The following DDIAS variants were observed in gnomAD, a reference collection of about 807,000 sequenced individuals.
The protein encoded by DDIAS is DNA damage-induced apoptosis suppressor protein.
In DDIAS, 14 loss-of-function variants were observed where a neutral mutation model predicts 15.7. The observed-to-expected ratio is 0.89, with a 90% CI of 0.59 to 1.39. The LOEUF (loss-of-function observed/expected upper bound fraction) is 1.39. DDIAS is among the 40% of genes most tolerant of loss of function. The pLI is 0.00. For missense variants in DDIAS, 1,035 were observed against 1,130.9 expected (o/e 0.92, Z 1.22); for synonymous variants, 355 against 395.9 (o/e 0.90, Z 1.23).
intron 1 of DDIAS, among the ~76,000 whole-genome samples, chr11:82,904,354 G>A (rs1860384485): frequency 6.6e-6 from 1 of 152,118 alleles, no homozygotes; most frequent in South Asian, 2.1e-4. Context: ...AAGATGTGTT[G>A]GTATGTGCAT....
rs1490638900 is a variant in DDIAS at position 82,933,267 on chromosome 11, T to G, written c.1929T>G (p.Asn643Lys). The change falls in exon 6 of 6, where the codon AAT (asparagine) becomes AAG (lysine). Residue 643 changes from asparagine to lysine, a missense_variant. Asn to Lys is a moderately conservative substitution (Grantham distance 94). Coordinates refer to ENST00000533655, the MANE Select transcript of DDIAS (RefSeq NM_145018.4). The part of the protein sequence containing the change: ...YPLETLCNSP[N>K]RSTNTLKEMP... Reference sequence around the variant, plus strand: ...TAGAAACTCTTTGCAATAGTCCAAATAGAAGTACAAATACATTGAAAGAAA... The same window carrying G: ...TAGAAACTCTTTGCAATAGTCCAAAGAGAAGTACAAATACATTGAAAGAAA... The G allele has an allele frequency of 2.5e-6, 4 of 1,612,990 alleles. No individual in the cohort carries two copies. The highest frequency in any genetic ancestry group is 3.4e-6 in the Non-Finnish European group (4 of 1,179,702).
At chr11:82,914,905 T>C in intron 3 of DDIAS, 54 bp downstream of exon 3, 2 of 1,221,674 alleles carry the variant, frequency 1.6e-6, no homozygotes, top group Non-Finnish European at 2.3e-6. Context: ...ACACTGTAGA[T>C]TTCCTATGGC....
At position 82,932,315 on chromosome 11, in the gene DDIAS, A is replaced by C. The variant is rs1330831124; in HGVS notation, c.977A>C (p.His326Pro). Residue 326 changes from histidine to proline, a missense_variant, in exon 6 of 6, where the codon CAC becomes CCC. Physicochemically the swap from His to Pro is moderately conservative, Grantham distance 77. Coordinates refer to ENST00000533655, the MANE Select transcript of DDIAS (RefSeq NM_145018.4). ...CAAGCTAAGGAGCTGAGTGCAGTTC[A>C]CAGCAGTCATCATGAAATTGGAGTT... ...GLQAKELSAV[H>P]SSHHEIGVND... The C allele has an allele frequency of 1.9e-6, 3 of 1,613,988 alleles. No individual in the cohort carries two copies. The highest frequency in any genetic ancestry group is 2.5e-6 in the Non-Finnish European group (3 of 1,179,964).
At position 82,928,897 on chromosome 11, in the gene DDIAS, C is replaced by G; in HGVS notation, c.234C>G (p.Cys78Trp). 1 of 1,612,154 alleles carries G rather than the reference C, an allele frequency of 6.2e-7. No homozygotes were observed. The highest frequency in any genetic ancestry group is 1.1e-5 in the South Asian group (1 of 90,498). The part of the protein sequence containing the change: ...KLFVITVFGS[C>W]LDTFFGLTAT... Reference sequence around the variant, plus strand: ...TTGTTATTACTGTATTTGGAAGTTGCTTAGATACATTTTTTGGTCTTACTG... The same window carrying G: ...TTGTTATTACTGTATTTGGAAGTTGGTTAGATACATTTTTTGGTCTTACTG... The change falls in exon 4 of 6, where the codon TGC (cysteine) becomes TGG (tryptophan). Residue 78 changes from cysteine (C) to tryptophan (W), a missense_variant. Cys to Trp is a radical substitution (Grantham distance 215). Coordinates refer to ENST00000533655, the MANE Select transcript of DDIAS (RefSeq NM_145018.4).
At chr11:82,904,945 A>G (rs947463013) in intron 1 of DDIAS, among the ~76,000 whole-genome samples, 2 of 152,230 alleles carry the variant, frequency 1.3e-5, no homozygotes, top group Admixed American at 6.5e-5. Flanking sequence ...CAAATATACA[A>G]ATATGGGCTT....
At chr11:82,902,466 C>T (rs1860340579) in intron 1 of DDIAS, among the ~76,000 whole-genome samples, 1 of 151,476 alleles carries the variant, frequency 6.6e-6, no homozygotes, top group Non-Finnish European at 1.5e-5. Context: ...CATTGCTGGG[C>T]TGATAAAGTT....
chr11:82,914,756 AT>A lies in DDIAS; in HGVS notation c.21del (p.Leu8PhefsTer2). 6.2e-7 allele frequency: 1 copy of A among 1,606,256 alleles called. No homozygotes were observed. Among genetic ancestry groups the A allele is most frequent in the Non-Finnish European group, 8.5e-7 (1 of 1,173,326 alleles). On this transcript the variant is annotated frameshift_variant, in exon 3 of 6. Coordinates refer to ENST00000533655, the MANE Select transcript of DDIAS (RefSeq NM_145018.4). LOFTEE classifies it high-confidence loss of function. The part of the protein sequence containing the change: MNRRRK[F>X]LLASVLALQN... Reference sequence around the variant, plus strand: ...GTGAACACATGAACAGAAGACGAAAATTTCTTCTAGCCTCAGTACTTGCTCT... The same window carrying A: ...GTGAACACATGAACAGAAGACGAAAATTCTTCTAGCCTCAGTACTTGCTCT...
At chr11:82,910,009 A>G (rs1042370287) in intron 1 of DDIAS, among the ~76,000 whole-genome samples, 1 of 152,042 alleles carries the variant, frequency 6.6e-6, no homozygotes, top group Non-Finnish European at 1.5e-5. Flanking sequence ...CCACATTTCT[A>G]TGTTTGTCAT....
Position 82,933,198 on chromosome 11 carries a change from C to T in DDIAS, c.1860C>T (p.Asn620=). ...AACAATATTGTAGGTGGTCCAAGAA[C>T]CAAGATGACAGTTTTACAATTTGCA... The part of the protein sequence containing the change: ...ENKQYCRWSK[N]QDDSFTICRK... The change falls in exon 6 of 6, where the codon AAC becomes AAT. Residue 620 remains asparagine (N), a synonymous_variant. Transcript: ENST00000533655. 1 of 1,612,534 alleles carries T rather than the reference C, an allele frequency of 6.2e-7. No homozygotes were observed. Among genetic ancestry groups the T allele is most frequent in the Non-Finnish European group, 8.5e-7 (1 of 1,179,818 alleles).
Position 82,934,349 on chromosome 11 carries a change from C to T in DDIAS, c.*14C>T, listed in dbSNP as rs1172981311. The T allele has an allele frequency of 1.3e-6, 2 of 1,563,634 alleles. No individual in the cohort carries two copies. Among genetic ancestry groups the T allele is most frequent in the Non-Finnish European group, 1.7e-6 (2 of 1,158,138 alleles). ...TTGTTTTCATAAAAAGTCACCTGAA[C>T]CCAATTCCTGAACTTTTAAATCTGT... On this transcript the variant is annotated 3_prime_UTR_variant, in exon 6 of 6. Transcript: ENST00000533655.
At chr11:82,914,162 C>A (rs1228966380) in intron 2 of DDIAS, 2 of 273,708 alleles carry the variant, frequency 7.3e-6, no homozygotes, top group South Asian at 3.0e-5. Context: ...CTCAAACTCC[C>A]TACCTCAGGT....
chr11:82,913,500 C>A, intron 2 of DDIAS, 114 bp downstream of exon 2: 1 of 261,590 alleles, frequency 3.8e-6, no homozygotes, highest in Non-Finnish European at 7.5e-6. Flanking sequence ...CCACCTCAGT[C>A]TCTGAAAGTG....
At chr11:82,920,874 A>G (rs905734636) in intron 3 of DDIAS, among the ~76,000 whole-genome samples, 1 of 152,152 alleles carries the variant, frequency 6.6e-6, no homozygotes, top group African/African-American at 2.4e-5. Context: ...AATGCTCTGT[A>G]TATTATCTGT....
At chr11:82,919,762 C>T (rs940007056) in intron 3 of DDIAS, among the ~76,000 whole-genome samples, 1 of 152,146 alleles carries the variant, frequency 6.6e-6, no homozygotes, top group African/African-American at 2.4e-5. Context: ...GACGGAGTCT[C>T]ACTCTGTCGC....
chr11:82,932,060 C>G lies in DDIAS; in HGVS notation c.722C>G (p.Pro241Arg). 1 of 1,614,046 alleles carries G rather than the reference C, an allele frequency of 6.2e-7. No homozygotes were observed. The highest frequency in any genetic ancestry group is 8.5e-7 in the Non-Finnish European group (1 of 1,179,980). Residue 241 changes from proline to arginine, a missense_variant, in exon 6 of 6, where the codon CCA (proline) becomes CGA (arginine). By Grantham distance (103) the Pro-to-Arg change is moderately radical. Coordinates refer to ENST00000533655, the MANE Select transcript of DDIAS (RefSeq NM_145018.4). ...GATACTTTTTCAAAATTCTGGCAGC[C>G]ATCACTTGAATTCACTTGCATTGTT... ...SKDTFSKFWQ[P>R]SLEFTCIVSQ... is the part of the protein sequence containing the mutation.
chr11:82,922,045 C>T (rs1860765592), intron 3 of DDIAS, among the ~76,000 whole-genome samples: 1 of 152,204 alleles, frequency 6.6e-6, no homozygotes, highest in South Asian at 2.1e-4. Flanking sequence ...GCCCTAATCC[C>T]TTCTAGCTTG....
chr11:82,912,515 T>G (rs1196916320), intron 1 of DDIAS, among the ~76,000 whole-genome samples: 1 of 152,200 alleles, frequency 6.6e-6, no homozygotes, highest in Non-Finnish European at 1.5e-5. Context: ...TCTCTCAGCC[T>G]TCATAGAATT....
At chr11:82,911,354 A>G (rs1282005796) in intron 1 of DDIAS, among the ~76,000 whole-genome samples, 1 of 152,246 alleles carries the variant, frequency 6.6e-6, no homozygotes, top group African/African-American at 2.4e-5. Context: ...CTGCTTATCA[A>G]CTAAGCTTAT....
At position 82,932,089 on chromosome 11, in the gene DDIAS, C is replaced by T. The variant is rs759181935; in HGVS notation, c.751C>T (p.Gln251Ter). Residue 251 changes from glutamine to a stop codon, truncating the protein, a stop_gained, in exon 6 of 6, where the codon CAA becomes TAA. Transcript: ENST00000533655. LOFTEE classifies it low-confidence loss of function (END_TRUNC). Reference protein sequence around the residue: ...PSLEFTCIVSQLTDNDDFSAS... With the variant: ...PSLEFTCIVS ...ACTTGAATTCACTTGCATTGTTTCA[C>T]AACTAACAGATAATGATGATTTTTC... 1 of 1,614,084 alleles carries T rather than the reference C, an allele frequency of 6.2e-7. No homozygotes were observed. The highest frequency in any genetic ancestry group is 1.7e-5 in the Admixed American group (1 of 60,028).
Sources: gnomAD v4.1 joint callset for allele counts (sites outside exome capture counted in the v4.1 genomes callset) on GRCh38, gnomAD v4.1.1 for gene constraint, MANE v1.5 for transcripts, NCBI Gene and HGNC (gene_info 2026-07-23, HGNC 2026-07-21) for gene names.